The following DNAH10 variants were observed in gnomAD, a reference collection of about 807,000 sequenced individuals.
DNAH10 encodes the protein dynein axonemal heavy chain 10, also known as axonemal beta dynein heavy chain 10.
Under a neutral mutation model 506.6 loss-of-function variants are expected in DNAH10, and 348 were observed. That is an observed-to-expected ratio of 0.69 (90% CI 0.63 to 0.75). The LOEUF is 0.75. DNAH10 is among the 30% of genes least tolerant of loss of function. The probability of loss-of-function intolerance (pLI) is 0.00; values close to 1 mark genes in which losing one functional copy is unlikely to be tolerated. For synonymous variants in DNAH10, 2,059 were observed against 2,198.6 expected, an observed-to-expected ratio of 0.94 and a Z score of 1.78; for missense variants, 5,179 against 5,787.1, an observed-to-expected ratio of 0.89 and a Z score of 3.41.
chr12:123,793,994 G>T lies in DNAH10; in HGVS notation c.1868G>T (p.Arg623Leu). 7.8e-7 allele frequency: 1 copy of T among 1,276,972 alleles called. No homozygotes were observed. The highest frequency in any genetic ancestry group is 1.0e-6 in the Non-Finnish European group (1 of 981,284). The allele number at this position is 1,276,972 out of a possible 1,614,324, so 79.1% of individuals were successfully genotyped here. A position where few individuals can be genotyped will look rare whatever the true frequency, so the allele number is the denominator to read the frequency against. The change falls in exon 12 of 79, where the codon CGA (arginine) becomes CTA (leucine). Residue 623 changes from arginine (R) to leucine (L), a missense_variant. Around this residue, in one of 3 missense-constraint regions of DNAH10, gnomAD observed 4,844 missense variants for 5,430.5 expected, o/e 0.89. Transcript: ENST00000673944. ...ATTGATGAATCTTTTAAGACGCTTC[G>T]ATCTGCTGAAGCAGCATTTGACATG... ...HFIDESFKTL[R>L]SAEAAFDMLL...
At chr12:123,765,986 CATCT>C (rs1023217947) in intron 1 of DNAH10, among the ~76,000 whole-genome samples, 4 of 152,098 alleles carry the variant, frequency 2.6e-5, no homozygotes, top group African/African-American at 9.7e-5. Flanking sequence ...TCTATCTATC[CATCT>C]ATCAATTATC....
chr12:123,777,772 A>C (rs536747992), intron 5 of DNAH10, among the ~76,000 whole-genome samples: 14 of 152,172 alleles, frequency 9.2e-5, no homozygotes, highest in African/African-American at 3.4e-4. Flanking sequence ...CAGCCTCCTG[A>C]GTAGCTGGGA....
rs1244109959 is a variant in DNAH10 at position 123,853,540 on chromosome 12, A to G, written c.6438+188A>G. On this transcript the variant is annotated intron_variant, in intron 36 of 78. Transcript: ENST00000673944. The surrounding 1 kb of genome is among the most constrained non-coding windows in gnomAD (Gnocchi z 4.7). ...GTATCGTTTGCTTGTAATTACACTTAGTACCTTAAGGTCAAGTGCAATGTC... is the reference window on the plus strand; with the variant it reads ...GTATCGTTTGCTTGTAATTACACTTGGTACCTTAAGGTCAAGTGCAATGTC... Among the ~76,000 whole-genome samples the G allele has an allele frequency of 6.6e-6, 1 of 152,150 alleles. No individual in the cohort carries two copies. Among genetic ancestry groups the G allele is most frequent in the Middle Eastern group, 3.2e-3 (1 of 316 alleles).
In DNAH10 at chr12:123,912,733, G is replaced by A. The variant is rs372683580; in HGVS notation, c.10135-365G>A. On this transcript the variant is annotated intron_variant, in intron 59 of 78. Transcript: ENST00000673944. Reference sequence around the variant, plus strand: ...TCATTTTGAGTCATATTGTGACCTTGCGCTATAGCTCGGAATTGTATTATT... The same window carrying A: ...TCATTTTGAGTCATATTGTGACCTTACGCTATAGCTCGGAATTGTATTATT... 8.5e-5 allele frequency among the ~76,000 whole-genome samples: 13 copies of A among 152,334 alleles called. No individual in the cohort carries two copies. In the East Asian group the frequency reaches 2.3e-3, roughly 27 times the overall value.
At chr12:123,840,930 C>T (rs76365936) in intron 29 of DNAH10, among the ~76,000 whole-genome samples, 3,946 of 152,200 alleles carry the variant, frequency 0.026, 138 homozygotes, top group African/African-American at 0.08. Context: ...CCCATAGTTG[C>T]GCAATTGGAT....
At position 123,857,254 on chromosome 12, in the gene DNAH10, C is replaced by T; in HGVS notation, c.6630+7C>T. On this transcript the variant is annotated splice_region_variant and intron_variant, in intron 37 of 78. Transcript: ENST00000673944. The stretch of plus-strand genomic sequence containing the variant: ...CGCGGTCCTACCCATCCAGGTAAAG[C>T]CAGGAAAATGACCTCACTGTGGCCG... 6.5e-7 allele frequency: 1 copy of T among 1,538,868 alleles called. No homozygotes were observed. The highest frequency in any genetic ancestry group is 1.2e-5 in the South Asian group (1 of 80,428).
intron 11 of DNAH10, among the ~76,000 whole-genome samples, chr12:123,793,559 C>T (rs181860435): frequency 9.2e-4 from 140 of 152,140 alleles, no homozygotes; most frequent in African/African-American, 3.3e-3. Context: ...AGGATGGTCT[C>T]GATCTCCTGA....
At chr12:123,914,132 A>C (rs922975916) in intron 60 of DNAH10, among the ~76,000 whole-genome samples, 197 bp from the exon 61 acceptor site, 1 of 152,246 alleles carries the variant, frequency 6.6e-6, no homozygotes. Flanking sequence ...TGCTGGCTCC[A>C]AATACCAGGT....
chr12:123,893,442 C>T lies in DNAH10; in HGVS notation c.9199+6C>T, dbSNP rs376912233. The T allele has an allele frequency of 8.3e-5, 134 of 1,611,992 alleles. No individual in the cohort carries two copies. The highest frequency in any genetic ancestry group is 5.3e-4 in the Admixed American group (32 of 60,008). On this transcript the variant is annotated splice_donor_region_variant and intron_variant, in intron 53 of 78. Transcript: ENST00000673944. Reference sequence around the variant, plus strand: ...CTGGTGCAGAAACTTCCCAGGTACCCGCGGTGGAGCCTGTGAACCCATTTC... The same window carrying T: ...CTGGTGCAGAAACTTCCCAGGTACCTGCGGTGGAGCCTGTGAACCCATTTC...
At chr12:123,776,850 C>T (rs1017765897) in intron 5 of DNAH10, among the ~76,000 whole-genome samples, 5 of 151,992 alleles carry the variant, frequency 3.3e-5, no homozygotes, top group African/African-American at 1.2e-4. Context: ...GTCTCTGCCT[C>T]GTGGAGCTTT....
In DNAH10 at chr12:123,931,865, G is replaced by T. The variant is rs780589229; in HGVS notation, c.13128+18G>T. ...TTCAAAGGGTGAGCCTGTCTCTCAT[G>T]TGCAGATTACTGCCTAGATACGTGG... is the stretch of plus-strand genomic sequence containing the variant. On this transcript the variant is annotated intron_variant, in intron 75 of 78. Coordinates refer to ENST00000673944, the MANE Select transcript of DNAH10 (RefSeq NM_001372106.1). The T allele has an allele frequency of 6.2e-7, 1 of 1,613,556 alleles. No homozygotes were observed. Among genetic ancestry groups the T allele is most frequent in the Admixed American group, 1.7e-5 (1 of 60,020 alleles).
At chr12:123,819,710 T>G (rs553751978) in intron 23 of DNAH10, among the ~76,000 whole-genome samples, 3 of 146,908 alleles carry the variant, frequency 2.0e-5, no homozygotes, top group African/African-American at 2.5e-5. Flanking sequence ...GTTTTTTTTT[T>G]TTTTTTTTTT....
rs758970094 is a variant in DNAH10, at chr12:123,916,569, A to G, written c.10835A>G (p.Asn3612Ser). The G allele has an allele frequency of 6.2e-7, 1 of 1,613,906 alleles. No homozygotes were observed. Among genetic ancestry groups the G allele is most frequent in the Non-Finnish European group, 8.5e-7 (1 of 1,179,882 alleles). ...VDEYIDPVID[N>S]VLEKNIKVSQ... ...GAATACATCGATCCTGTGATTGACAACGTCTTAGAAAAAAATATAAAAGTC... is the reference window on the plus strand; with the variant it reads ...GAATACATCGATCCTGTGATTGACAGCGTCTTAGAAAAAAATATAAAAGTC... The change falls in exon 63 of 79, where the codon AAC becomes AGC. Residue 3612 changes from asparagine to serine, a missense_variant. Transcript: ENST00000673944. This position sits in a 1 kb window ranked among gnomAD's most constrained non-coding sequence, Gnocchi z 4.6.
intron 17 of DNAH10, 111 bp from the exon 18 acceptor site, chr12:123,804,722 T>C (rs758840107): frequency 1.9e-5 from 18 of 965,614 alleles, no homozygotes; most frequent in Non-Finnish European, 2.6e-5. Context: ...GGGCTGAGGT[T>C]GGAGGCTGGT....
chr12:123,780,042 A>T (rs1957583192), intron 5 of DNAH10, among the ~76,000 whole-genome samples: 1 of 152,130 alleles, frequency 6.6e-6, no homozygotes, highest in Non-Finnish European at 1.5e-5. Flanking sequence ...TTTTGAAGAA[A>T]CTATGTCCTC....
chr12:123,914,077 A>G (rs1954352295), intron 60 of DNAH10, among the ~76,000 whole-genome samples: 2 of 152,242 alleles, frequency 1.3e-5, no homozygotes. Context: ...CAATGTGATT[A>G]CTGCTTAATA....
At chr12:123,861,571 G>A (rs1442640829) in intron 39 of DNAH10, among the ~76,000 whole-genome samples, 1 of 152,246 alleles carries the variant, frequency 6.6e-6, no homozygotes, top group Admixed American at 6.5e-5. Context: ...AAGGGCCATG[G>A]AAAGTGCAGG....
chr12:123,857,168 C>G lies in DNAH10; in HGVS notation c.6551C>G (p.Pro2184Arg). 6.2e-7 allele frequency: 1 copy of G among 1,609,480 alleles called. No homozygotes were observed. Among genetic ancestry groups the G allele is most frequent in the Non-Finnish European group, 8.5e-7 (1 of 1,177,996 alleles). Residue 2184 changes from proline to arginine, a missense_variant, in exon 37 of 79, where the codon CCT becomes CGT. Physicochemically the swap from Pro to Arg is moderately radical, Grantham distance 103 (BLOSUM62 -2). This residue lies in a region of DNAH10 where 4,844 missense variants were observed against 5,430.5 expected (regional missense o/e 0.89). Coordinates refer to ENST00000673944, the MANE Select transcript of DNAH10 (RefSeq NM_001372106.1). Reference protein sequence around the residue: ...ISDLFPGLDCPRVRYPDFNDA... With the variant: ...ISDLFPGLDCRRVRYPDFNDA... The stretch of plus-strand genomic sequence containing the variant: ...GATCTGTTTCCTGGGCTGGACTGCC[C>G]TCGCGTCCGCTACCCTGACTTCAAC...
chr12:123,857,733 TAAAAG>T (rs1951453338), intron 37 of DNAH10, among the ~76,000 whole-genome samples: 1 of 152,004 alleles, frequency 6.6e-6, no homozygotes, highest in African/African-American at 2.4e-5. Context: ...TCTCAAAAAA[TAAAAG>T]AAAAAAGAAA....
Sources: allele counts gnomAD v4.1 joint callset (sites outside exome capture counted in the v4.1 genomes callset), GRCh38; gene constraint gnomAD v4.1.1; regional missense constraint gnomAD v4.1.1; non-coding constraint Gnocchi (gnomAD v3.1); transcripts MANE v1.5; gene names NCBI Gene and HGNC (gene_info 2026-07-23, HGNC 2026-07-21).